DLG5: variants seen among roughly 807,000 people sequenced by gnomAD.
The protein encoded by DLG5 is discs large MAGUK scaffold protein 5, also known as disks large homolog 5.
In DLG5, 48 loss-of-function variants were observed where a neutral mutation model predicts 189.8. The ratio of observed to expected loss-of-function variants is 0.25; its 90% CI spans 0.20 to 0.32. DLG5 has a LOEUF of 0.32. DLG5 is among the 10% of genes least tolerant of loss of function. The pLI is 1.00. For missense variants in DLG5, 2,160 were observed against 2,544.7 expected, an observed-to-expected ratio of 0.85 and a Z score of 3.25; for synonymous variants, 1,016 against 1,054.1, an observed-to-expected ratio of 0.96 and a Z score of 0.70.
At chr10:77,913,333 T>A (rs1846276810) in intron 1 of DLG5, among the ~76,000 whole-genome samples, 1 of 152,148 alleles carries the variant, frequency 6.6e-6, no homozygotes, top group South Asian at 2.1e-4. Flanking sequence ...CAACATCAAC[T>A]AAATGCAGTG....
At chr10:77,809,384 C>G (rs1381324422) in intron 24 of DLG5, among the ~76,000 whole-genome samples, 163 bp downstream of exon 24, 1 of 152,150 alleles carries the variant, frequency 6.6e-6, no homozygotes. Flanking sequence ...CCAGCCTGGG[C>G]GACAGAGCAA....
chr10:77,877,512 T>C (rs1201285127), intron 1 of DLG5, among the ~76,000 whole-genome samples: 1 of 152,154 alleles, frequency 6.6e-6, no homozygotes, highest in Non-Finnish European at 1.5e-5. Flanking sequence ...AAAGCCACCC[T>C]CTTTGTTCTG....
chr10:77,820,121 A>T, intron 15 of DLG5, 103 bp from the exon 16 acceptor site: 1 of 1,505,808 alleles, frequency 6.6e-7, no homozygotes. Flanking sequence ...CGAGGCGGGC[A>T]GATCACCTAA....
At chr10:77,799,149 A>T (rs1010622724) in intron 27 of DLG5, among the ~76,000 whole-genome samples, 3 of 152,168 alleles carry the variant, frequency 2.0e-5, no homozygotes, top group Non-Finnish European at 4.4e-5. Flanking sequence ...TGAGTCACTG[A>T]CTCCAACTGG....
intron 16 of DLG5, 158 bp downstream of exon 16, chr10:77,819,737 A>T: frequency 7.7e-7 from 1 of 1,295,342 alleles, no homozygotes; most frequent in Non-Finnish European, 1.1e-6. Flanking sequence ...TGGCTATAAG[A>T]CAAACCATCC....
the DLG5 span, among the ~76,000 whole-genome samples, chr10:77,937,998 G>A: frequency 2.6e-5 from 4 of 151,180 alleles, no homozygotes; most frequent in Non-Finnish European, 4.4e-5. Flanking sequence ...GATTACAGGC[G>A]TGAGCCACCG....
chr10:77,910,731 G>C (rs1044596092), intron 1 of DLG5, among the ~76,000 whole-genome samples: 8 of 152,270 alleles, frequency 5.3e-5, no homozygotes, highest in East Asian at 1.9e-4. Context: ...CAGCACTTTG[G>C]GGGGCCAAGG....
At chr10:77,820,822 G>C (rs139658564) in intron 15 of DLG5, 57 of 508,194 alleles carry the variant, frequency 1.1e-4, no homozygotes, top group South Asian at 4.6e-4. Context: ...AAGTTCAAAA[G>C]CTTCTTATTA....
chr10:77,916,579 A>G (rs933072833), intron 1 of DLG5, among the ~76,000 whole-genome samples: 1 of 152,132 alleles, frequency 6.6e-6, no homozygotes, highest in African/African-American at 2.4e-5. Context: ...GGCATGAGCC[A>G]CCACGCCCGG....
At chr10:77,813,232 C>T (rs1603641215) in intron 20 of DLG5, among the ~76,000 whole-genome samples, 3 of 152,182 alleles carry the variant, frequency 2.0e-5, no homozygotes, top group South Asian at 2.1e-4. Context: ...AGATTTTCCT[C>T]GCAGGATAAA....
Position 77,809,739 on chromosome 10 carries a change from A to G in DLG5, c.4464-9T>C. 6.2e-7 allele frequency: 1 copy of G among 1,609,612 alleles called. No homozygotes were observed. Among genetic ancestry groups the G allele is most frequent in the East Asian group, 2.2e-5 (1 of 44,772 alleles). On this transcript the variant is annotated splice_polypyrimidine_tract_variant and intron_variant, in intron 23 of 31. Transcript: ENST00000372391. ...TGGCATCTCCCGCAATCCTTTCAGG[A>G]AAAAAACAAAGTTCCTCAACTGTGC...
At chr10:77,827,715 T>C (rs1842708403) in intron 13 of DLG5, among the ~76,000 whole-genome samples, 1 of 152,150 alleles carries the variant, frequency 6.6e-6, no homozygotes, top group Non-Finnish European at 1.5e-5. Flanking sequence ...TGTCCATCAA[T>C]AGGTGGATAA....
In DLG5 at chr10:77,912,691, T is replaced by A. The variant is rs1223693410; in HGVS notation, c.304+13526A>T. On this transcript the variant is annotated intron_variant, in intron 1 of 31. Coordinates refer to ENST00000372391, the MANE Select transcript of DLG5 (RefSeq NM_004747.4). ...GCCACAAAGTGGCTATGTGTCTTTTTTAAAAGCACAGTTCATCCCAAGAGG... is the reference window on the plus strand; with the variant it reads ...GCCACAAAGTGGCTATGTGTCTTTTATAAAAGCACAGTTCATCCCAAGAGG... 2.0e-5 allele frequency: 3 copies of A among 152,318 alleles called. No homozygotes were observed. In the East Asian group the frequency reaches 5.8e-4, roughly 29 times the overall value. 9.4% of individuals were successfully genotyped at this position (152,318 alleles called of 1,614,324 possible). A position where few individuals can be genotyped will look rare whatever the true frequency, so the allele number is the denominator to read the frequency against.
rs1441857934 is a variant in DLG5, at chr10:77,842,085, C to T, written c.1233G>A (p.Gln411=). 6.2e-7 allele frequency: 1 copy of T among 1,613,922 alleles called. No individual in the cohort carries two copies. The highest frequency in any genetic ancestry group is 1.7e-5 in the Admixed American group (1 of 60,036). The change falls in exon 7 of 32, where the codon CAG becomes CAA. Residue 411 remains glutamine, a synonymous_variant. Transcript: ENST00000372391. ...TCTCCGACTCCTTTGCTGTCTTCAC[C>T]TGCGTGGTTCTCAGCTCGGTCAGCT... ...QSELTELRTT[Q]VKTAKESEKY...
intron 13 of DLG5, among the ~76,000 whole-genome samples, chr10:77,826,101 C>T (rs1035327650): frequency 1.3e-5 from 2 of 152,134 alleles, no homozygotes; most frequent in Non-Finnish European, 2.9e-5. Context: ...GGGAAGATCT[C>T]GCTGGATGTT....
chr10:77,860,261 C>T (rs1564556889), intron 2 of DLG5, among the ~76,000 whole-genome samples: 1 of 152,222 alleles, frequency 6.6e-6, no homozygotes, highest in African/African-American at 2.4e-5. Context: ...CCACCAGTAG[C>T]ACACAATGCA....
rs202232818 is a variant in DLG5, at chr10:77,835,726, G to A, written c.1622+12C>T. On this transcript the variant is annotated intron_variant, in intron 8 of 31. Coordinates refer to ENST00000372391, the MANE Select transcript of DLG5 (RefSeq NM_004747.4). Reference sequence around the variant, plus strand: ...AGACGCAAGCCCACGCCAGCTTGAGGTCACCCCATACCGGATGCTGTCACG... The same window carrying A: ...AGACGCAAGCCCACGCCAGCTTGAGATCACCCCATACCGGATGCTGTCACG... 284 of 1,600,852 alleles carry A rather than the reference G, an allele frequency of 1.8e-4. 1 individual carries two copies. The highest frequency in any genetic ancestry group is 7.0e-5 in the Non-Finnish European group (82 of 1,173,622).
chr10:77,851,960 G>A (rs1843996191), intron 5 of DLG5, among the ~76,000 whole-genome samples: 1 of 152,232 alleles, frequency 6.6e-6, no homozygotes, highest in Non-Finnish European at 1.5e-5. Context: ...CTGACAGAGA[G>A]AAGGCATGGG....
chr10:77,917,966 C>T (rs1267925369), intron 1 of DLG5, among the ~76,000 whole-genome samples: 3 of 149,670 alleles, frequency 2.0e-5, no homozygotes, highest in Admixed American at 6.7e-5. Context: ...TGTGGTGAGC[C>T]GAGATCATGC....
Sources: gnomAD v4.1 joint callset for allele counts (sites outside exome capture counted in the v4.1 genomes callset) on GRCh38, gnomAD v4.1.1 for gene constraint, MANE v1.5 for transcripts, NCBI Gene and HGNC (gene_info 2026-07-23, HGNC 2026-07-21) for gene names.